The following RAPGEF6 variants were observed in gnomAD, a reference collection of about 807,000 sequenced individuals.
The protein encoded by RAPGEF6 is PDZ domain containing guanine nucleotide exchange factor (GEF) 2.
A neutral mutation model predicts 171.4 loss-of-function variants in RAPGEF6; 56 were observed. That is an observed-to-expected ratio of 0.33 (90% CI 0.26 to 0.41). The LOEUF (loss-of-function observed/expected upper bound fraction) is 0.41, where lower values mean the gene tolerates loss of function less well. RAPGEF6 is among the 10% of genes least tolerant of loss of function. The pLI, the probability that RAPGEF6 is intolerant of heterozygous loss-of-function variation, is 1.00. For synonymous variants in RAPGEF6, 692 were observed against 650.1 expected (o/e 1.06, Z -0.98); for missense variants, 1,674 against 1,921.4 (o/e 0.87, Z 2.41).
intron 25 of RAPGEF6, among the ~76,000 whole-genome samples, chr5:131,433,182 C>G (rs1015848318): frequency 3.3e-5 from 5 of 152,048 alleles, no homozygotes; most frequent in African/African-American, 1.2e-4. Flanking sequence ...TGAGTTCTGA[C>G]TGGAAAGATA....
chr5:131,460,399 C>T (rs1753833652), intron 19 of RAPGEF6, among the ~76,000 whole-genome samples: 1 of 152,164 alleles, frequency 6.6e-6, no homozygotes, highest in African/African-American at 2.4e-5. Context: ...CACTTTCTTT[C>T]TACCCTCTTT....
chr5:131,588,196 G>T (rs1036327447), intron 4 of RAPGEF6, among the ~76,000 whole-genome samples: 3 of 152,028 alleles, frequency 2.0e-5, no homozygotes, highest in Non-Finnish European at 4.4e-5. Flanking sequence ...TGGAGGCTTA[G>T]TGTACAAAAG....
At chr5:131,566,631 C>A (rs1761956557) in intron 4 of RAPGEF6, among the ~76,000 whole-genome samples, 1 of 152,000 alleles carries the variant, frequency 6.6e-6, no homozygotes, top group South Asian at 2.1e-4. Context: ...TACCCTAATA[C>A]AAAGTCTTTT....
At chr5:131,585,376 C>G (rs1387728406) in intron 4 of RAPGEF6, among the ~76,000 whole-genome samples, 2 of 151,930 alleles carry the variant, frequency 1.3e-5, no homozygotes, top group Non-Finnish European at 2.9e-5. Flanking sequence ...TATCTTGAGC[C>G]TCCCAAATCA....
intron 9 of RAPGEF6, among the ~76,000 whole-genome samples, chr5:131,506,342 C>G (rs990288176): frequency 1.3e-5 from 2 of 152,078 alleles, no homozygotes; most frequent in African/African-American, 4.8e-5. Context: ...TTGCTATGTT[C>G]CCCAGGCTGG....
chr5:131,530,096 C>T (rs981785862), intron 6 of RAPGEF6, among the ~76,000 whole-genome samples: 3 of 148,414 alleles, frequency 2.0e-5, no homozygotes, highest in Admixed American at 6.7e-5. Flanking sequence ...TTAATAGACA[C>T]GGGGTTTCAC....
chr5:131,551,053 C>A (rs1760891093), intron 5 of RAPGEF6, among the ~76,000 whole-genome samples: 1 of 152,154 alleles, frequency 6.6e-6, no homozygotes, highest in African/African-American at 2.4e-5. Context: ...ATTAAATTTT[C>A]CCTTTTGCCT....
intron 1 of RAPGEF6, among the ~76,000 whole-genome samples, chr5:131,609,324 T>C (rs1580670640): frequency 6.6e-6 from 1 of 152,250 alleles, no homozygotes; most frequent in African/African-American, 2.4e-5. Flanking sequence ...AGTGCATGGA[T>C]GTCTGGTCAG....
chr5:131,495,520 A>C (rs1372281402), intron 13 of RAPGEF6, 33 bp downstream of exon 13: 2 of 1,567,620 alleles, frequency 1.3e-6, no homozygotes, highest in Admixed American at 3.4e-5. Flanking sequence ...GGACCACTAC[A>C]CTCTGAAGAA....
At chr5:131,611,620 C>T (rs992271012) in intron 1 of RAPGEF6, among the ~76,000 whole-genome samples, 2 of 152,104 alleles carry the variant, frequency 1.3e-5, no homozygotes, top group Admixed American at 1.3e-4. Context: ...TGCAGTGAGC[C>T]GGGATCATGC....
intron 24 of RAPGEF6, 116 bp downstream of exon 24, chr5:131,439,465 T>C: frequency 7.0e-7 from 1 of 1,424,890 alleles, no homozygotes. Flanking sequence ...CAAAAAGCAT[T>C]AGGAGTTATG....
chr5:131,473,899 C>T (rs1754920929), intron 16 of RAPGEF6, among the ~76,000 whole-genome samples: 3 of 152,074 alleles, frequency 2.0e-5, no homozygotes, highest in Admixed American at 2.0e-4. Flanking sequence ...TATGACAGAG[C>T]TGAAGAGTCA....
At chr5:131,633,334 C>CA (rs916807616) in intron 1 of RAPGEF6, among the ~76,000 whole-genome samples, 45 of 149,728 alleles carry the variant, frequency 3.0e-4, no homozygotes, top group African/African-American at 1.0e-3. Flanking sequence ...GACTTTGTCT[C>CA]AAAAAAAATA....
chr5:131,601,875 T>C (rs1764277303), intron 3 of RAPGEF6, among the ~76,000 whole-genome samples: 1 of 151,318 alleles, frequency 6.6e-6, no homozygotes, highest in South Asian at 2.1e-4. Context: ...CTACTAAAAA[T>C]ACAAAAAAAA....
intron 16 of RAPGEF6, among the ~76,000 whole-genome samples, chr5:131,475,218 T>C (rs182251858): frequency 7.5e-4 from 115 of 152,372 alleles, no homozygotes; most frequent in South Asian, 6.6e-3. Flanking sequence ...CAGTATTTAG[T>C]TGGCAAAATA....
intron 4 of RAPGEF6, among the ~76,000 whole-genome samples, chr5:131,567,827 C>T (rs1199576683): frequency 6.6e-6 from 1 of 152,180 alleles, no homozygotes; most frequent in Non-Finnish European, 1.5e-5. Flanking sequence ...TGAACTCCTA[C>T]TAATCCTTTC....
intron 17 of RAPGEF6, chr5:131,469,764 A>G: frequency 7.1e-7 from 1 of 1,412,906 alleles, no homozygotes; most frequent in Non-Finnish European, 9.4e-7. Context: ...ACATACAAAC[A>G]AGGGCAATAG....
At chr5:131,435,982 C>T (rs1431457448) in intron 24 of RAPGEF6, 4 of 1,535,162 alleles carry the variant, frequency 2.6e-6, no homozygotes, top group Admixed American at 2.0e-5. Flanking sequence ...AGACTTGAAT[C>T]GCGTATAGAA....
chr5:131,622,210 T>TA (rs1765634598), intron 1 of RAPGEF6, among the ~76,000 whole-genome samples: 1 of 152,198 alleles, frequency 6.6e-6, no homozygotes, highest in South Asian at 2.1e-4. Context: ...GATGGTAACC[T>TA]ATTTTAGTTT....
Sources: allele counts gnomAD v4.1 joint callset (sites outside exome capture counted in the v4.1 genomes callset), GRCh38; gene constraint gnomAD v4.1.1; transcripts MANE v1.5; gene names NCBI Gene and HGNC (gene_info 2026-07-23, HGNC 2026-07-21).